The following NCK1 variants were observed in gnomAD, a reference collection of about 807,000 sequenced individuals.
NCK1 encodes the protein NCK adaptor protein 1.
NCK1 carries 19 observed loss-of-function variants against 36.6 expected under a neutral mutation model. The ratio of observed to expected loss-of-function variants is 0.52; its 90% CI spans 0.36 to 0.76. The LOEUF (loss-of-function observed/expected upper bound fraction) is 0.76. Ranked by LOEUF, NCK1 falls within the 30% of genes least tolerant of loss-of-function variation. The pLI is 0.00. For missense variants in NCK1, 358 were observed against 445.6 expected (o/e 0.80, Z 1.77); for synonymous variants, 165 against 156.0 (o/e 1.06, Z -0.43).
At chr3:136,868,713 C>T (rs1030985341) in intron 1 of NCK1, among the ~76,000 whole-genome samples, 7 of 152,172 alleles carry the variant, frequency 4.6e-5, no homozygotes, top group African/African-American at 1.7e-4. Flanking sequence ...CTTTTCGAAT[C>T]TCTTGATAAT....
At chr3:136,932,133 A>G (rs184102342) in intron 2 of NCK1, among the ~76,000 whole-genome samples, 13 of 151,420 alleles carry the variant, frequency 8.6e-5, no homozygotes, top group Admixed American at 1.3e-4. Flanking sequence ...AAAAAAAAAA[A>G]AAAAGAATCC....
chr3:136,901,113 C>T (rs976722634), intron 1 of NCK1, among the ~76,000 whole-genome samples: 1 of 152,054 alleles, frequency 6.6e-6, no homozygotes, highest in African/African-American at 2.4e-5. Context: ...GTTTTTATCA[C>T]GAAGGGACAC....
chr3:136,930,488 A>T, intron 2 of NCK1: 1 of 1,331,804 alleles, frequency 7.5e-7, no homozygotes, highest in Non-Finnish European at 9.6e-7. Context: ...GTTGCAGAAC[A>T]GACGAGGAAG....
chr3:136,905,483 C>A (rs1939659841), intron 1 of NCK1, among the ~76,000 whole-genome samples: 1 of 151,764 alleles, frequency 6.6e-6, no homozygotes, highest in South Asian at 2.1e-4. Flanking sequence ...GAACTCCTGG[C>A]CTCAGGTGAT....
In NCK1 at chr3:136,946,404, A is replaced by G. The variant is rs1033683676; in HGVS notation, c.939+109A>G. 5 of 879,442 alleles carry G rather than the reference A, an allele frequency of 5.7e-6. No homozygotes were observed. The Admixed American group carries it at 7.7e-5, about 14-fold the overall frequency. The allele number at this position is 879,442 out of a possible 1,614,324, so 54.5% of individuals were successfully genotyped here. ...CTTCCCTAAAGTTAACCAGGTAACA[A>G]GCTGGGACGTAACATAAGCATAAAT... On this transcript the variant is annotated intron_variant, in intron 3 of 3. Transcript: ENST00000481752.
chr3:136,869,891 T>A lies in NCK1; in HGVS notation c.-19+7538T>A, dbSNP rs1023338481. Among the ~76,000 whole-genome samples, 9 of 152,194 alleles carry A rather than the reference T, an allele frequency of 5.9e-5. No homozygotes were observed. In the South Asian group the frequency reaches 1.7e-3, roughly 28 times the overall value. ...ACACTGATTCTCTTGTTTCTATTCC[T>A]GAAATTGTAAGTAATGATTGCTGAA... On this transcript the variant is annotated intron_variant, in intron 1 of 3. Transcript: ENST00000481752.
chr3:136,901,932 G>A (rs913861301), intron 1 of NCK1, among the ~76,000 whole-genome samples: 10 of 151,866 alleles, frequency 6.6e-5, no homozygotes, highest in African/African-American at 1.9e-4. Context: ...AGTTCCTTAA[G>A]GTGCATTGCT....
rs193283591 is a variant in NCK1 at position 136,926,477 on chromosome 3, G to A, written c.-18-1507G>A. On this transcript the variant is annotated intron_variant, in intron 1 of 3. Transcript: ENST00000481752. ...TTTTTAGTAGAGACAGGGTTTTACCGTGTTAGCCAGGATGGTCTCGATCTC... is the reference window on the plus strand; with the variant it reads ...TTTTTAGTAGAGACAGGGTTTTACCATGTTAGCCAGGATGGTCTCGATCTC... Among the ~76,000 whole-genome samples, 378 of 151,928 alleles carry A rather than the reference G, an allele frequency of 2.5e-3. 2 individuals carry two copies. Among genetic ancestry groups the A allele is most frequent in the African/African-American group, 8.6e-3 (357 of 41,460 alleles).
chr3:136,921,655 C>T (rs539671567), intron 1 of NCK1, among the ~76,000 whole-genome samples: 11 of 152,308 alleles, frequency 7.2e-5, no homozygotes, highest in Non-Finnish European at 1.3e-4. Context: ...AGATTTTATT[C>T]AGTAACTATT....
At position 136,930,363 on chromosome 3, in the gene NCK1, C is replaced by T. The variant is rs1940360035; in HGVS notation, c.226+2136C>T. 3.2e-6 allele frequency: 3 copies of T among 924,760 alleles called. No homozygotes were observed. In the South Asian group the frequency reaches 1.7e-4, roughly 52 times the overall value. 57.3% of individuals were successfully genotyped at this position (924,760 alleles called of 1,614,324 possible). A position where few individuals can be genotyped will look rare whatever the true frequency, so the allele number is the denominator to read the frequency against. ...TGGCCATGATTATTTACTTGTTATA[C>T]AGGCTGTGTTATAATTTAGAGGAAA... On this transcript the variant is annotated intron_variant, in intron 2 of 3. Coordinates refer to ENST00000481752, the MANE Select transcript of NCK1 (RefSeq NM_001291999.2).
chr3:136,863,591 C>T (rs542514692), intron 1 of NCK1, among the ~76,000 whole-genome samples: 1 of 152,278 alleles, frequency 6.6e-6, no homozygotes, highest in East Asian at 1.9e-4. Flanking sequence ...TGACCACAAA[C>T]TCTGAGACTT....
rs556284165 is a variant in NCK1, at chr3:136,892,586, C to T, written c.-19+30233C>T. On this transcript the variant is annotated intron_variant, in intron 1 of 3. Coordinates refer to ENST00000481752, the MANE Select transcript of NCK1 (RefSeq NM_001291999.2). Reference sequence around the variant, plus strand: ...CAAAGAACAGATTCTTCTCTAGAGCCTTCTGAAGGAATGCAGGCTTTGATT... The same window carrying T: ...CAAAGAACAGATTCTTCTCTAGAGCTTTCTGAAGGAATGCAGGCTTTGATT... Among the ~76,000 whole-genome samples, 16 of 152,344 alleles carry T rather than the reference C, an allele frequency of 1.1e-4. 1 individual carries two copies. In the South Asian group the frequency reaches 3.1e-3, roughly 30 times the overall value.
At chr3:136,872,761 C>T (rs549551828) in intron 1 of NCK1, among the ~76,000 whole-genome samples, 7 of 152,294 alleles carry the variant, frequency 4.6e-5, no homozygotes, top group South Asian at 2.1e-4. Context: ...CTGCTCCAGC[C>T]GTGGCTGAAA....
intron 1 of NCK1, among the ~76,000 whole-genome samples, chr3:136,872,087 A>G (rs1938637976): frequency 6.6e-6 from 1 of 152,216 alleles, no homozygotes; most frequent in South Asian, 2.1e-4. Context: ...TGTGGAAGCA[A>G]CTTTGGAACT....
chr3:136,915,765 A>G (rs1278264692), intron 1 of NCK1, among the ~76,000 whole-genome samples: 1 of 151,158 alleles, frequency 6.6e-6, no homozygotes, highest in Middle Eastern at 3.2e-3. Context: ...TCACTCCGTC[A>G]TCCAGGCTGG....
intron 2 of NCK1, among the ~76,000 whole-genome samples, chr3:136,942,285 A>G (rs1460453139): frequency 1.3e-5 from 2 of 152,198 alleles, no homozygotes; most frequent in East Asian, 1.9e-4. Context: ...TTTCAGCATC[A>G]GATCAGATTC....
At chr3:136,889,476 A>G (rs1939173564) in intron 1 of NCK1, among the ~76,000 whole-genome samples, 1 of 152,054 alleles carries the variant, frequency 6.6e-6, no homozygotes, top group African/African-American at 2.4e-5. Flanking sequence ...CCCAAAGAGT[A>G]AGCAGTAGCA....
chr3:136,930,599 GTTAAT>G, intron 2 of NCK1: 1 of 1,463,068 alleles, frequency 6.8e-7, no homozygotes. Flanking sequence ...TTTTCAGTAA[GTTAAT>G]CTGTTTATTA....
chr3:136,875,573 T>A (rs1938742909), intron 1 of NCK1, among the ~76,000 whole-genome samples: 1 of 152,026 alleles, frequency 6.6e-6, no homozygotes, highest in South Asian at 2.1e-4. Context: ...TATGTAATGG[T>A]AAAGGGATCA....
Sources: gnomAD v4.1 joint callset for allele counts (sites outside exome capture counted in the v4.1 genomes callset) on GRCh38, gnomAD v4.1.1 for gene constraint, MANE v1.5 for transcripts, NCBI Gene and HGNC (gene_info 2026-07-23, HGNC 2026-07-21) for gene names.